Variants in MICALL1 observed in about 807,000 individuals in gnomAD.
The protein encoded by MICALL1 is MICAL-like protein 1.
In MICALL1, 61 loss-of-function variants were observed where a neutral mutation model predicts 83.7. That is an observed-to-expected ratio of 0.73 (90% confidence interval 0.59 to 0.90). The LOEUF is 0.90. Ranked by LOEUF, MICALL1 falls within the 40% of genes least tolerant of loss-of-function variation. The pLI is 0.00. For synonymous variants in MICALL1, 481 were observed against 473.6 expected, an observed-to-expected ratio of 1.02 and a Z score of -0.20; for missense variants, 1,066 against 1,152.0, an observed-to-expected ratio of 0.93 and a Z score of 1.08.
intron 1 of MICALL1, among the ~76,000 whole-genome samples, chr22:37,910,467 C>T (rs1383400129): frequency 1.3e-5 from 2 of 152,026 alleles, no homozygotes; most frequent in African/African-American, 4.8e-5. Flanking sequence ...TGTCCTGAAC[C>T]GGACCGGGAG....
In MICALL1 at chr22:37,906,582, C is replaced by T; in HGVS notation, c.146+14C>T. ...GCCCGACCTGCTGTGAGTGCGGGGC[C>T]CCGGGCGAGCGGGCGGCGCGGGGCG... On this transcript the variant is annotated intron_variant, in intron 1 of 15. Transcript: ENST00000215957. The surrounding 1 kb of genome is among the most constrained non-coding windows in gnomAD (Gnocchi z 4.4). 2 of 1,165,568 alleles carry T rather than the reference C, an allele frequency of 1.7e-6. No homozygotes were observed. Among genetic ancestry groups the T allele is most frequent in the African/African-American group, 1.6e-5 (1 of 61,582 alleles). 72.2% of individuals were successfully genotyped at this position (1,165,568 alleles called of 1,614,324 possible). A position where few individuals can be genotyped will look rare whatever the true frequency, so the allele number is the denominator to read the frequency against.
chr22:37,929,813 C>T (rs965130895), intron 9 of MICALL1, among the ~76,000 whole-genome samples: 1 of 152,228 alleles, frequency 6.6e-6, no homozygotes, highest in Non-Finnish European at 1.5e-5. Context: ...CATCTGGCCC[C>T]AGGTAGAGGG....
At position 37,925,668 on chromosome 22, in the gene MICALL1, GC is replaced by G; in HGVS notation, c.1095del (p.Arg366GlyfsTer201). ...GTPKPSEGTPAPRKDPPWITL... is the reference protein window; with the variant it reads ...GTPKPSEGTPXPRKDPPWITL... Reference sequence around the variant, plus strand: ...GCTTCCCCCCTCCTCCAGGACACCAGCCCCCAGGAAGGACCCCCCATGGATC... The same window carrying G: ...GCTTCCCCCCTCCTCCAGGACACCAGCCCCAGGAAGGACCCCCCATGGATC... On this transcript the variant is annotated frameshift_variant, in exon 8 of 16. Transcript: ENST00000215957. LOFTEE classifies it high-confidence loss of function. 1 of 1,588,658 alleles carries G rather than the reference GC, an allele frequency of 6.3e-7. No homozygotes were observed. Among genetic ancestry groups the G allele is most frequent in the Non-Finnish European group, 8.6e-7 (1 of 1,166,040 alleles).
intron 3 of MICALL1, among the ~76,000 whole-genome samples, chr22:37,915,923 A>T (rs1184753753): frequency 6.6e-6 from 1 of 152,248 alleles, no homozygotes; most frequent in African/African-American, 2.4e-5. Flanking sequence ...CTGGGATTAC[A>T]GGTGTGAGCC....
intron 3 of MICALL1, among the ~76,000 whole-genome samples, chr22:37,917,110 G>A (rs1477923773): frequency 2.0e-5 from 3 of 152,070 alleles, no homozygotes; most frequent in Non-Finnish European, 4.4e-5. Context: ...GACCTCAAAT[G>A]ATCCACCCAC....
rs982649629 is a variant in MICALL1 at position 37,924,320 on chromosome 22, T to G, written c.1025-340T>G. Among the ~76,000 whole-genome samples the G allele has an allele frequency of 6.6e-6, 1 of 152,128 alleles. No homozygotes were observed. The highest frequency in any genetic ancestry group is 2.4e-5 in the African/African-American group (1 of 41,434). ...GAGGGGAGCAGGGGCTGCTGTGGGA[T>G]TCACAGAGGACACTTGGGAGTCCAG... On this transcript the variant is annotated intron_variant, in intron 6 of 15. Coordinates refer to ENST00000215957, the MANE Select transcript of MICALL1 (RefSeq NM_033386.4). This position sits in a 1 kb window ranked among gnomAD's most constrained non-coding sequence, Gnocchi z 5.2.
rs1477557355 is a variant in MICALL1 at position 37,930,904 on chromosome 22, G to A, written c.1882-895G>A. Among the ~76,000 whole-genome samples, 1 of 152,206 alleles carries A rather than the reference G, an allele frequency of 6.6e-6. No homozygotes were observed. Among genetic ancestry groups the A allele is most frequent in the Non-Finnish European group, 1.5e-5 (1 of 68,034 alleles). ...TCTGAGCCTCAGAGTCCCCAGCGGG[G>A]AGAGGGTGGTTATGAGGCCTGAATG... On this transcript the variant is annotated intron_variant, in intron 9 of 15. Transcript: ENST00000215957. The surrounding 1 kb of genome is among the most constrained non-coding windows in gnomAD (Gnocchi z 4.8).
intron 3 of MICALL1, among the ~76,000 whole-genome samples, chr22:37,916,660 G>A (rs1447992638): frequency 2.0e-5 from 3 of 152,180 alleles, no homozygotes; most frequent in African/African-American, 4.8e-5. Context: ...CAGTGACCCC[G>A]GGCACAACAG....
Position 37,927,425 on chromosome 22 carries a change from C to T in MICALL1, c.1480C>T (p.Arg494Cys), listed in dbSNP as rs764142762. 43 of 1,587,074 alleles carry T rather than the reference C, an allele frequency of 2.7e-5. No individual in the cohort carries two copies. The highest frequency in any genetic ancestry group is 2.0e-4 in the South Asian group (18 of 90,346). The change falls in exon 9 of 16, where the codon CGC becomes TGC. Residue 494 changes from arginine (R) to cysteine (C), a missense_variant. Transcript: ENST00000215957. ...CGTCCGCACAGCTCTCCACGCCTCC[C>T]GCCTCTCGCACTCGGAGCCGCCCTC... ...SASPLALHAS[R>C]LSHSEPPSAT...
At chr22:37,934,766 T>G (rs1279740492) in intron 13 of MICALL1, among the ~76,000 whole-genome samples, 20 of 137,218 alleles carry the variant, frequency 1.5e-4, no homozygotes, top group South Asian at 7.2e-4. Context: ...CCGGCTAATT[T>G]TTTGTGTTTT....
rs1036398772 is a variant in MICALL1, at chr22:37,932,115, A to C, written c.2016+182A>C. On this transcript the variant is annotated intron_variant, in intron 10 of 15. Coordinates refer to ENST00000215957, the MANE Select transcript of MICALL1 (RefSeq NM_033386.4). This position sits in a 1 kb window ranked among gnomAD's most constrained non-coding sequence, Gnocchi z 4.4. ...TAGCTTGCAGCCTGGAGGGATTTGG[A>C]GCAGATCAGCCCTTCACCACCAAAA... Among the ~76,000 whole-genome samples, 1 of 152,216 alleles carries C rather than the reference A, an allele frequency of 6.6e-6. No homozygotes were observed. The highest frequency in any genetic ancestry group is 2.4e-5 in the African/African-American group (1 of 41,454).
chr22:37,937,824 G>A (rs756129825), intron 15 of MICALL1, 32 bp downstream of exon 15: 2 of 1,612,394 alleles, frequency 1.2e-6, no homozygotes, highest in Non-Finnish European at 1.7e-6. Flanking sequence ...AGGCTGGTGA[G>A]CACTTGAACT....
intron 15 of MICALL1, 150 bp downstream of exon 15, chr22:37,937,942 G>A (rs1601838783): frequency 1.0e-6 from 1 of 963,044 alleles, no homozygotes; most frequent in East Asian, 2.6e-5. Flanking sequence ...AGAGAGGGCT[G>A]TGTGTAGCAA....
intron 6 of MICALL1, 66 bp downstream of exon 6, chr22:37,922,492 G>A: frequency 8.0e-7 from 1 of 1,244,592 alleles, no homozygotes; most frequent in Non-Finnish European, 1.1e-6. Context: ...AAAAGTCTGT[G>A]TGTCTGGGAG....
chr22:37,917,900 C>G, intron 4 of MICALL1, 105 bp downstream of exon 4: 2 of 1,024,518 alleles, frequency 2.0e-6, no homozygotes, highest in Non-Finnish European at 3.0e-6. Flanking sequence ...TTAGCCCTGA[C>G]AGTGTTCAGA....
At position 37,907,118 on chromosome 22, in the gene MICALL1, T is replaced by A. The variant is rs1047599301; in HGVS notation, c.146+550T>A. The A allele has an allele frequency of 3.9e-5, 6 of 152,718 alleles. No individual in the cohort carries two copies. In the East Asian group the frequency reaches 1.2e-3, roughly 30 times the overall value. The allele number at this position is 152,718 out of a possible 1,614,324, so 9.5% of individuals were successfully genotyped here. A position where few individuals can be genotyped will look rare whatever the true frequency, so the allele number is the denominator to read the frequency against. On this transcript the variant is annotated intron_variant, in intron 1 of 15. Transcript: ENST00000215957. ...GAGACCTCGGCTAACAGGTGTTGGA[T>A]GAATGGATGTACAGACCCTGTGCTT...
chr22:37,910,859 A>G (rs1422945491), intron 1 of MICALL1, among the ~76,000 whole-genome samples: 1 of 152,178 alleles, frequency 6.6e-6, no homozygotes, highest in Non-Finnish European at 1.5e-5. Flanking sequence ...TGCACATGGG[A>G]CAATGAATGC....
At chr22:37,908,743 C>G (rs920714834) in intron 1 of MICALL1, among the ~76,000 whole-genome samples, 2 of 152,182 alleles carry the variant, frequency 1.3e-5, no homozygotes, top group Non-Finnish European at 2.9e-5. Flanking sequence ...GTAGGGGAAA[C>G]GTGTATAAAC....
rs1420078646 is a variant in MICALL1 at position 37,911,933 on chromosome 22, C to T, written c.147-19C>T. 6 of 1,613,948 alleles carry T rather than the reference C, an allele frequency of 3.7e-6. No homozygotes were observed. The African/African-American group carries it at 4.0e-5, about 11-fold the overall frequency. On this transcript the variant is annotated intron_variant, in intron 1 of 15. Coordinates refer to ENST00000215957, the MANE Select transcript of MICALL1 (RefSeq NM_033386.4). ...TCACCTCCCCTCTTGACCAACCCTC[C>T]TCCCTTTGCCTCTTGCAGAGATTTT... is the stretch of plus-strand genomic sequence containing the variant.
Sources: allele counts gnomAD v4.1 joint callset (sites outside exome capture counted in the v4.1 genomes callset), GRCh38; gene constraint gnomAD v4.1.1; non-coding constraint Gnocchi (gnomAD v3.1); transcripts MANE v1.5; gene names NCBI Gene and HGNC (gene_info 2026-07-23, HGNC 2026-07-21).